TMC7: variants seen among roughly 807,000 people sequenced by gnomAD.
TMC7 encodes transmembrane channel like 7.
In TMC7, 54 loss-of-function variants were observed where a neutral mutation model predicts 82.9. The ratio of observed to expected loss-of-function variants is 0.65; its 90% CI spans 0.52 to 0.82. The LOEUF is 0.82. Ranked by LOEUF, TMC7 falls within the 40% of genes least tolerant of loss-of-function variation. TMC7 has a pLI of 0.00. For missense variants in TMC7, 820 were observed against 901.2 expected (o/e 0.91, Z 1.15); for synonymous variants, 350 against 337.9 (o/e 1.04, Z -0.39).
intron 1 of TMC7, among the ~76,000 whole-genome samples, chr16:19,005,844 T>C (rs938580893): frequency 6.6e-5 from 10 of 152,156 alleles, no homozygotes; most frequent in African/African-American, 2.4e-4. Context: ...GTGTGTCATA[T>C]CCTCAGGGTG....
At chr16:18,988,577 C>T (rs2038895011) in intron 1 of TMC7, among the ~76,000 whole-genome samples, 1 of 152,156 alleles carries the variant, frequency 6.6e-6, no homozygotes, top group Admixed American at 6.6e-5. Context: ...AGGCGTGAGC[C>T]ACCATACCCA....
intron 1 of TMC7, among the ~76,000 whole-genome samples, chr16:18,989,078 A>G (rs1294071771): frequency 1.3e-5 from 2 of 151,882 alleles, no homozygotes; most frequent in Non-Finnish European, 2.9e-5. Flanking sequence ...AGGAATTTAC[A>G]TAGTTGAACA....
intron 1 of TMC7, among the ~76,000 whole-genome samples, chr16:18,985,865 T>C (rs1337561348): frequency 6.6e-6 from 1 of 151,926 alleles, no homozygotes; most frequent in Non-Finnish European, 1.5e-5. Flanking sequence ...AAATGAGGTC[T>C]GGTTTAAAGA....
In TMC7 at chr16:19,005,056, T is replaced by TTTTATTTA. The variant is rs141697169; in HGVS notation, c.68-4076_68-4069dup. On this transcript the variant is annotated intron_variant, in intron 1 of 15. Coordinates refer to ENST00000304381, the MANE Select transcript of TMC7 (RefSeq NM_024847.4). ...GTGACGATGCATGTTAAATACTTTA[T>TTTTATTTA]TTTATTTATTTATTTATTTATTTAT... Among the ~76,000 whole-genome samples the TTTTATTTA allele has an allele frequency of 1.8e-3, 255 of 144,198 alleles. 1 individual carries two copies. The highest frequency in any genetic ancestry group is 0.01 in the Middle Eastern group (3 of 286). The allele number at this position is 144,198 out of a possible 152,430, so 94.6% of individuals were successfully genotyped here.
intron 1 of TMC7, among the ~76,000 whole-genome samples, chr16:19,006,630 C>A (rs1219329823): frequency 6.6e-6 from 1 of 152,212 alleles, no homozygotes; most frequent in East Asian, 1.9e-4. Context: ...TTGCTCAACA[C>A]ACTGCTCCAA....
At chr16:19,049,084 C>T (rs115554329) in intron 12 of TMC7, among the ~76,000 whole-genome samples, 32,871 of 151,984 alleles carry the variant, frequency 0.22, 3,722 homozygotes, top group African/African-American at 0.24. Context: ...AGTGCCGTGG[C>T]GTGATCTCAG....
intron 5 of TMC7, among the ~76,000 whole-genome samples, chr16:19,028,781 G>A (rs1960353273): frequency 6.6e-6 from 1 of 151,424 alleles, no homozygotes; most frequent in African/African-American, 2.4e-5. Flanking sequence ...TTAGCCTCCC[G>A]AGTAGATGGG....
At chr16:18,997,923 G>A (rs1256767769) in intron 1 of TMC7, among the ~76,000 whole-genome samples, 9 of 151,534 alleles carry the variant, frequency 5.9e-5, no homozygotes, top group African/African-American at 2.2e-4. Context: ...TAGTAGAGAC[G>A]GGGTTTCACC....
intron 14 of TMC7, 97 bp from the exon 15 acceptor site, chr16:19,059,319 G>A (rs1961902664): frequency 6.5e-7 from 1 of 1,544,720 alleles, no homozygotes. Context: ...TTTCTAACAA[G>A]AGTAAAACTG....
intron 6 of TMC7, among the ~76,000 whole-genome samples, chr16:19,032,827 C>T (rs1203482540): frequency 1.3e-5 from 2 of 152,126 alleles, no homozygotes; most frequent in Non-Finnish European, 2.9e-5. Flanking sequence ...TGGGGTTTCA[C>T]GACGTTGGCC....
In TMC7 at chr16:19,016,718, G is replaced by A. The variant is rs1959714991; in HGVS notation, c.460+120G>A. On this transcript the variant is annotated intron_variant, in intron 3 of 15. Coordinates refer to ENST00000304381, the MANE Select transcript of TMC7 (RefSeq NM_024847.4). ...GAGCATTTCTTTCCATGATGAATGT[G>A]AGCAACAAACCACAGCAAGGTTTAG... 4 of 1,140,294 alleles carry A rather than the reference G, an allele frequency of 3.5e-6. No homozygotes were observed. In the South Asian group the frequency reaches 5.0e-5, roughly 14 times the overall value. The allele number at this position is 1,140,294 out of a possible 1,614,324, so 70.6% of individuals were successfully genotyped here.
At chr16:19,054,656 A>G (rs936055452) in intron 13 of TMC7, among the ~76,000 whole-genome samples, 2 of 150,564 alleles carry the variant, frequency 1.3e-5, no homozygotes, top group Non-Finnish European at 3.0e-5. Flanking sequence ...CAGAGGTTGC[A>G]GTGAGCCGAG....
intron 9 of TMC7, among the ~76,000 whole-genome samples, chr16:19,042,293 G>T (rs898494181): frequency 6.6e-6 from 1 of 151,948 alleles, no homozygotes; most frequent in Non-Finnish European, 1.5e-5. Flanking sequence ...TCCTGCCTCA[G>T]TCTCTCGAGT....
intron 9 of TMC7, among the ~76,000 whole-genome samples, chr16:19,042,289 C>T (rs1961049019): frequency 6.6e-6 from 1 of 151,942 alleles, no homozygotes; most frequent in African/African-American, 2.4e-5. Context: ...ACCCTCCTGC[C>T]TCAGTCTCTC....
In TMC7 at chr16:18,984,047, G is replaced by A; in HGVS notation, c.-17G>A. The A allele has an allele frequency of 6.8e-7, 1 of 1,471,768 alleles. No individual in the cohort carries two copies. Among genetic ancestry groups the A allele is most frequent in the Non-Finnish European group, 8.9e-7 (1 of 1,119,036 alleles). The allele number at this position is 1,471,768 out of a possible 1,614,324, so 91.2% of individuals were successfully genotyped here. ...GAGAGGGTCCTCGGCAGCCTCTGAG[G>A]AGCGCGGGGCGCGGCCATGAGCGAG... On this transcript the variant is annotated 5_prime_UTR_variant, in exon 1 of 16. Coordinates refer to ENST00000304381, the MANE Select transcript of TMC7 (RefSeq NM_024847.4).
chr16:18,987,312 TTTA>T (rs2038869310), intron 1 of TMC7, among the ~76,000 whole-genome samples: 2 of 151,880 alleles, frequency 1.3e-5, no homozygotes, highest in Admixed American at 6.6e-5. Flanking sequence ...CAGTCTTTAT[TTTA>T]TTATTATTAT....
rs1293728532 is a variant in TMC7 at position 19,040,442 on chromosome 16, C to T, written c.1333C>T (p.Leu445Phe). The change falls in exon 9 of 16, where the codon CTT (leucine) becomes TTT (phenylalanine). Residue 445 changes from leucine to phenylalanine, a missense_variant. Physicochemically the swap from Leu to Phe is conservative, Grantham distance 22. Around this residue, in one of 2 missense-constraint regions of TMC7, gnomAD observed 650 missense variants for 669.9 expected, o/e 0.97. Transcript: ENST00000304381. ...SPGFEIRLTI[L>F]RCVFMRLATI... ...AGGCTTTGAGATCCGTCTGACAATC[C>T]TTAGGTAATGCCTAACATGAAGATG... 5 of 1,610,256 alleles carry T rather than the reference C, an allele frequency of 3.1e-6. No homozygotes were observed. Among genetic ancestry groups the T allele is most frequent in the Non-Finnish European group, 3.4e-6 (4 of 1,179,584 alleles).
intron 12 of TMC7, among the ~76,000 whole-genome samples, chr16:19,050,324 G>T (rs569405683): frequency 1.5e-5 from 2 of 131,250 alleles, no homozygotes; most frequent in African/African-American, 6.1e-5. Flanking sequence ...CCGAGATCGC[G>T]CTACTACACT....
chr16:19,037,338 A>G lies in TMC7; in HGVS notation c.1006-536A>G, dbSNP rs796666432. Among the ~76,000 whole-genome samples the G allele has an allele frequency of 6.3e-5, 9 of 141,836 alleles. 1 individual carries two copies. The highest frequency in any genetic ancestry group is 2.4e-4 in the African/African-American group (9 of 38,284). 93.0% of individuals were successfully genotyped at this position (141,836 alleles called of 152,430 possible). On this transcript the variant is annotated intron_variant, in intron 7 of 15. Coordinates refer to ENST00000304381, the MANE Select transcript of TMC7 (RefSeq NM_024847.4). ...GGGAGTCAGAGGTTGCAGTGAGCCG[A>G]GATTGGACCACTGCACTCCAGCCTG...
Sources: gnomAD v4.1 joint callset for allele counts (sites outside exome capture counted in the v4.1 genomes callset) on GRCh38, gnomAD v4.1.1 for gene constraint, gnomAD v4.1.1 regional missense constraint, MANE v1.5 for transcripts, NCBI Gene and HGNC (gene_info 2026-07-23, HGNC 2026-07-21) for gene names.